SHC3: variants seen among roughly 807,000 people sequenced by gnomAD.
SHC3 encodes the protein SHC adaptor protein 3.
In SHC3, 15 loss-of-function variants were observed where a neutral mutation model predicts 60.4. The observed-to-expected ratio is 0.25, with a 90% CI of 0.17 to 0.38. The LOEUF (loss-of-function observed/expected upper bound fraction) is 0.38, where lower values mean the gene tolerates loss of function less well. SHC3 is among the 10% of genes least tolerant of loss of function. The probability of loss-of-function intolerance (pLI) is 1.00; values close to 1 mark genes in which losing one functional copy is unlikely to be tolerated. For synonymous variants in SHC3, 294 were observed against 325.9 expected, an observed-to-expected ratio of 0.90 and a Z score of 1.05; for missense variants, 677 against 786.1, an observed-to-expected ratio of 0.86 and a Z score of 1.66.
At position 89,007,606 on chromosome 9, in the gene SHC3, G is replaced by A. The variant is rs1349365919; in HGVS notation, c.*5841C>T. On this transcript the variant is annotated 3_prime_UTR_variant, in exon 12 of 12. Coordinates refer to ENST00000375835, the MANE Select transcript of SHC3 (RefSeq NM_016848.6). ...GGAATACACGAAAGCATGACATCAC[G>A]AGCACAGCCTCCTCCACCACACCTT... The A allele has an allele frequency of 2.0e-5, 3 of 152,282 alleles. No homozygotes were observed. The highest frequency in any genetic ancestry group is 6.5e-5 in the Admixed American group (1 of 15,284). 9.4% of individuals were successfully genotyped at this position (152,282 alleles called of 1,614,324 possible).
intron 7 of SHC3, 103 bp from the exon 8 acceptor site, chr9:89,047,097 T>G: frequency 1.6e-6 from 2 of 1,254,070 alleles, no homozygotes; most frequent in Non-Finnish European, 2.1e-6. Context: ...GAGAGTTTAG[T>G]CAGTGCCTCC....
At chr9:89,112,128 C>T (rs1825956065) in intron 2 of SHC3, among the ~76,000 whole-genome samples, 1 of 152,220 alleles carries the variant, frequency 6.6e-6, no homozygotes, top group Admixed American at 6.5e-5. Context: ...ACTCCCATGG[C>T]TGTTTCTGCT....
rs541229509 is a variant in SHC3 at position 89,160,753 on chromosome 9, T to G, written c.474+17234A>C. Among the ~76,000 whole-genome samples the G allele has an allele frequency of 8.5e-5, 13 of 152,290 alleles. No individual in the cohort carries two copies. The South Asian group carries it at 1.2e-3, about 15-fold the overall frequency. On this transcript the variant is annotated intron_variant, in intron 1 of 11. Coordinates refer to ENST00000375835, the MANE Select transcript of SHC3 (RefSeq NM_016848.6). ...ACGGAAACCTTTCTGTAATTAGCTG[T>G]CAAGAGAAAGGACAGGAGAACACAG...
chr9:89,087,286 T>C (rs935316581), intron 2 of SHC3, among the ~76,000 whole-genome samples: 2 of 152,246 alleles, frequency 1.3e-5, no homozygotes, highest in African/African-American at 2.4e-5. Context: ...CCCTGATCCC[T>C]AGGGTGAAGA....
At chr9:89,063,792 G>T (rs1825130852) in intron 6 of SHC3, among the ~76,000 whole-genome samples, 1 of 152,240 alleles carries the variant, frequency 6.6e-6, no homozygotes. Context: ...AATGGTTGTT[G>T]TTAAGCCACT....
At chr9:89,027,595 CATAA>C (rs1244266211) in intron 11 of SHC3, among the ~76,000 whole-genome samples, 1 of 4,234 alleles carries the variant, frequency 2.4e-4, no homozygotes, top group African/African-American at 1.8e-3. Flanking sequence ...GGATTACAGG[CATAA>C]GCCATAAGCC....
intron 6 of SHC3, among the ~76,000 whole-genome samples, chr9:89,056,845 C>T (rs1489943404): frequency 6.6e-6 from 1 of 152,264 alleles, no homozygotes; most frequent in African/African-American, 2.4e-5. Context: ...CCTCGGCAAG[C>T]TTTGTGTGAA....
At chr9:89,071,391 A>C in intron 4 of SHC3, 139 bp from the exon 5 acceptor site, 1 of 793,040 alleles carries the variant, frequency 1.3e-6, no homozygotes, top group South Asian at 1.8e-5. Context: ...AATGATTATA[A>C]AAGTAATAGC....
rs143042916 is a variant in SHC3 at position 89,124,637 on chromosome 9, C to G, written c.475-12011G>C. 3.3e-3 allele frequency among the ~76,000 whole-genome samples: 500 copies of G among 151,930 alleles called. 4 individuals are homozygous for G. Among genetic ancestry groups the G allele is most frequent in the African/African-American group, 0.011 (454 of 41,430 alleles). On this transcript the variant is annotated intron_variant, in intron 1 of 11. Coordinates refer to ENST00000375835, the MANE Select transcript of SHC3 (RefSeq NM_016848.6). Reference sequence around the variant, plus strand: ...TCACTCATAAGTGGGAGTTGAACAACAAGAACACATGAACACAGGGAGGGG... The same window carrying G: ...TCACTCATAAGTGGGAGTTGAACAAGAAGAACACATGAACACAGGGAGGGG...
intron 11 of SHC3, among the ~76,000 whole-genome samples, chr9:89,035,862 T>G (rs1156802569): frequency 0.011 from 1,165 of 104,964 alleles, 28 homozygotes; most frequent in East Asian, 0.022. Context: ...TGTGTGTGTG[T>G]GTGTGTGTGT....
chr9:89,073,367 G>A (rs940199900), intron 4 of SHC3, among the ~76,000 whole-genome samples: 3 of 152,264 alleles, frequency 2.0e-5, no homozygotes, highest in African/African-American at 2.4e-5. Flanking sequence ...CCTAAATCAC[G>A]TGTTTTGCCC....
intron 1 of SHC3, among the ~76,000 whole-genome samples, chr9:89,118,773 A>G (rs1474882127): frequency 6.6e-6 from 1 of 152,194 alleles, no homozygotes; most frequent in Non-Finnish European, 1.5e-5. Context: ...TATGCACCCA[A>G]ACTAGCATCC....
intron 7 of SHC3, among the ~76,000 whole-genome samples, chr9:89,050,391 T>A (rs1332744427): frequency 6.6e-6 from 1 of 152,224 alleles, no homozygotes; most frequent in Non-Finnish European, 1.5e-5. Flanking sequence ...GTTCAAGTGA[T>A]TCTCCTGCCT....
intron 7 of SHC3, among the ~76,000 whole-genome samples, chr9:89,050,682 C>T (rs1483455036): frequency 6.6e-6 from 1 of 152,146 alleles, no homozygotes; most frequent in African/African-American, 2.4e-5. Context: ...TGGTTCATAT[C>T]CTTTTGTAAC....
At chr9:89,092,488 G>A (rs1410759166) in intron 2 of SHC3, among the ~76,000 whole-genome samples, 2 of 151,684 alleles carry the variant, frequency 1.3e-5, no homozygotes, top group East Asian at 1.9e-4. Context: ...GTGGTGGCGG[G>A]CACCTGTAGT....
intron 9 of SHC3, 98 bp from the exon 10 acceptor site, chr9:89,042,282 A>C: frequency 8.4e-6 from 11 of 1,313,246 alleles, no homozygotes; most frequent in South Asian, 3.6e-5. Context: ...CAAATGGGAA[A>C]CCTCCTCCTT....
In SHC3 at chr9:89,175,219, G is replaced by T. The variant is rs577724076; in HGVS notation, c.474+2768C>A. On this transcript the variant is annotated intron_variant, in intron 1 of 11. Coordinates refer to ENST00000375835, the MANE Select transcript of SHC3 (RefSeq NM_016848.6). ...TCAAGATACTTAGGGGAGTAAAAAG[G>T]TGCTGCCAATGAGGCCCAGCTGAAA... is the stretch of plus-strand genomic sequence containing the variant. Among the ~76,000 whole-genome samples, 50 of 152,290 alleles carry T rather than the reference G, an allele frequency of 3.3e-4. No homozygotes were observed. In the Middle Eastern group the frequency reaches 0.01, roughly 31 times the overall value.
intron 1 of SHC3, among the ~76,000 whole-genome samples, chr9:89,160,967 A>G (rs1411835): frequency 0.85 from 129,006 of 152,168 alleles, 55,093 homozygotes; most frequent in East Asian, 0.98. Flanking sequence ...GCTCCAGGTC[A>G]CCTTCTGGAC....
intron 11 of SHC3, among the ~76,000 whole-genome samples, chr9:89,016,275 GA>G (rs1273753045): frequency 1.3e-5 from 2 of 152,076 alleles, no homozygotes; most frequent in African/African-American, 4.8e-5. Flanking sequence ...AGGAATAACG[GA>G]ATTCAACTTT....
Sources: allele counts gnomAD v4.1 joint callset (sites outside exome capture counted in the v4.1 genomes callset), GRCh38; gene constraint gnomAD v4.1.1; transcripts MANE v1.5; gene names NCBI Gene and HGNC (gene_info 2026-07-23, HGNC 2026-07-21).